Variants in CACNA1C observed in about 807,000 individuals in gnomAD.
CACNA1C encodes the protein voltage-dependent L-type calcium channel subunit alpha-1C.
Under a neutral mutation model 229.0 loss-of-function variants are expected in CACNA1C, and 30 were observed. That is an observed-to-expected ratio of 0.13 (90% confidence interval 0.10 to 0.18). The LOEUF is 0.18. Ranked by LOEUF, CACNA1C falls within the 10% of genes least tolerant of loss-of-function variation. The probability of loss-of-function intolerance (pLI) is 1.00; values close to 1 mark genes in which losing one functional copy is unlikely to be tolerated. For missense variants in CACNA1C, 1,658 were observed against 2,845.0 expected (o/e 0.58, Z 9.49); for synonymous variants, 1,114 against 1,132.5 (o/e 0.98, Z 0.33).
rs371123343 is a variant in CACNA1C, at chr12:2,269,519, A to G, written c.477+149089A>G. Among the ~76,000 whole-genome samples, 8 of 152,308 alleles carry G rather than the reference A, an allele frequency of 5.3e-5. No homozygotes were observed. The South Asian group carries it at 1.5e-3, about 28-fold the overall frequency. On this transcript the variant is annotated intron_variant, in intron 3 of 46. Transcript: ENST00000399655. ...GTACAGTCTTTGTGGAGAATTTGAAAAACGAGAATGGTGATTATCTACTTA... is the reference window on the plus strand; with the variant it reads ...GTACAGTCTTTGTGGAGAATTTGAAGAACGAGAATGGTGATTATCTACTTA...
chr12:2,629,460 CAT>C (rs1384120333), intron 29 of CACNA1C, among the ~76,000 whole-genome samples: 1 of 152,216 alleles, frequency 6.6e-6, no homozygotes, highest in African/African-American at 2.4e-5. Flanking sequence ...GATCAGGACA[CAT>C]GTGCCTTGTG....
At chr12:2,496,224 A>G (rs1410240797) in intron 7 of CACNA1C, among the ~76,000 whole-genome samples, 2 of 152,282 alleles carry the variant, frequency 1.3e-5, no homozygotes, top group African/African-American at 4.8e-5. Context: ...TAACCTGTTG[A>G]ACCTCATGGT....
intron 5 of CACNA1C, among the ~76,000 whole-genome samples, chr12:2,478,261 G>T (rs1252047596): frequency 6.6e-6 from 1 of 152,082 alleles, no homozygotes; most frequent in African/African-American, 2.4e-5. Flanking sequence ...TATCACTGAG[G>T]ATAACCCCCA....
rs61627008 is a variant in CACNA1C at position 2,371,724 on chromosome 12, C to CTTTTTTTTTTTTTTTTT, written c.478-77246_478-77230dup. ...CAAGCACATACTAAATGACATATGGCTTTTTTTTTTTTTTTTTTTTTTAAT... is the reference window on the plus strand; with the variant it reads ...CAAGCACATACTAAATGACATATGGCTTTTTTTTTTTTTTTTTTTTTTTTTTTTTTTTTTTTTTTAAT... On this transcript the variant is annotated intron_variant, in intron 3 of 46. Transcript: ENST00000399655. Among the ~76,000 whole-genome samples, 2 of 129,016 alleles carry CTTTTTTTTTTTTTTTTT rather than the reference C, an allele frequency of 1.6e-5. 1 individual carries two copies. 84.6% of individuals were successfully genotyped at this position (129,016 alleles called of 152,430 possible). A position where few individuals can be genotyped will look rare whatever the true frequency, so the allele number is the denominator to read the frequency against.
Position 2,486,273 on chromosome 12 carries a change from C to CA in CACNA1C, c.916+12dup. On this transcript the variant is annotated intron_variant, in intron 6 of 46. Coordinates refer to ENST00000399655, the MANE Select transcript of CACNA1C (RefSeq NM_000719.7). The surrounding 1 kb of genome is among the most constrained non-coding windows in gnomAD (Gnocchi z 4.9). ...AGGAGGGCATAGCAGGTAAGAGGGG[C>CA]AGGCGGCTGCGCTCCCAAGGCCCTG... The CA allele has an allele frequency of 6.2e-7, 1 of 1,609,780 alleles. No individual in the cohort carries two copies. Among genetic ancestry groups the CA allele is most frequent in the Non-Finnish European group, 8.5e-7 (1 of 1,177,280 alleles).
intron 5 of CACNA1C, among the ~76,000 whole-genome samples, chr12:2,472,048 TCTCA>T (rs1251697994): frequency 6.6e-6 from 1 of 152,242 alleles, no homozygotes; most frequent in Non-Finnish European, 1.5e-5. Flanking sequence ...AAATTTTCTC[TCTCA>T]GTTTTCAGCA....
intron 9 of CACNA1C, among the ~76,000 whole-genome samples, chr12:2,519,585 C>A (rs555584499): frequency 1.3e-5 from 2 of 152,176 alleles, no homozygotes; most frequent in Non-Finnish European, 2.9e-5. Context: ...TGGACAGTGG[C>A]GATGACAGGG....
rs2153634896 is a variant in CACNA1C, at chr12:2,647,662, G to GTCT, written c.3913-812_3913-810dup. On this transcript the variant is annotated intron_variant, in intron 30 of 46. Coordinates refer to ENST00000399655, the MANE Select transcript of CACNA1C (RefSeq NM_000719.7). The surrounding 1 kb of genome is among the most constrained non-coding windows in gnomAD (Gnocchi z 4.2). ...CCTCCTCAGTGTTGACTTGAAGTCG[G>GTCT]TCTCCCCTAAACCTGAGAGGCCACT... Among the ~76,000 whole-genome samples the GTCT allele has an allele frequency of 6.6e-6, 1 of 152,272 alleles. No individual in the cohort carries two copies. The highest frequency in any genetic ancestry group is 2.1e-4 in the South Asian group (1 of 4,822).
intron 1 of CACNA1C, among the ~76,000 whole-genome samples, chr12:2,009,097 A>G (rs1382582399): frequency 6.6e-6 from 1 of 152,188 alleles, no homozygotes; most frequent in Non-Finnish European, 1.5e-5. Flanking sequence ...CTGTGTTTCC[A>G]TAAGCCTCAT....
intron 3 of CACNA1C, among the ~76,000 whole-genome samples, chr12:2,357,621 G>T (rs1351219635): frequency 1.3e-5 from 2 of 150,398 alleles, no homozygotes; most frequent in Non-Finnish European, 2.9e-5. Flanking sequence ...GTGGAGAAGG[G>T]CTTTAGTCTG....
At chr12:2,077,005 C>T (rs982307026) in intron 1 of CACNA1C, among the ~76,000 whole-genome samples, 1 of 152,370 alleles carries the variant, frequency 6.6e-6, no homozygotes, top group South Asian at 2.1e-4. Flanking sequence ...GGCTCACTAG[C>T]TGTGGCTTCA....
At chr12:2,002,551 G>C (rs1434945529) in intron 1 of CACNA1C, among the ~76,000 whole-genome samples, 1 of 152,192 alleles carries the variant, frequency 6.6e-6, no homozygotes, top group Non-Finnish European at 1.5e-5. Flanking sequence ...ATAAACATCT[G>C]TAACTATCTT....
rs566127072 is a variant in CACNA1C, at chr12:2,605,237, G to C, written c.3048+69G>C. 1 of 1,105,026 alleles carries C rather than the reference G, an allele frequency of 9.0e-7. No individual in the cohort carries two copies. Among genetic ancestry groups the C allele is most frequent in the Non-Finnish European group, 1.4e-6 (1 of 724,326 alleles). The allele number at this position is 1,105,026 out of a possible 1,614,324, so 68.5% of individuals were successfully genotyped here. On this transcript the variant is annotated intron_variant, in intron 23 of 46. Coordinates refer to ENST00000399655, the MANE Select transcript of CACNA1C (RefSeq NM_000719.7). This position sits in a 1 kb window ranked among gnomAD's most constrained non-coding sequence, Gnocchi z 6.2. ...GGGAGTGGGAGCTCCACAGAGGTGA[G>C]GGGTGGGTTGGAAGGAGATGATGGT...
chr12:2,397,235 A>C (rs1041493252), intron 3 of CACNA1C, among the ~76,000 whole-genome samples: 1 of 152,344 alleles, frequency 6.6e-6, no homozygotes, highest in Non-Finnish European at 1.5e-5. Flanking sequence ...GTTATCCATC[A>C]AGAAGAGTAA....
chr12:2,359,275 A>T (rs2097487105), intron 3 of CACNA1C, among the ~76,000 whole-genome samples: 1 of 152,082 alleles, frequency 6.6e-6, no homozygotes, highest in South Asian at 2.1e-4. Context: ...TACCACGTGA[A>T]TGGAGGGAAA....
intron 1 of CACNA1C, among the ~76,000 whole-genome samples, chr12:1,979,210 C>T (rs112009517): frequency 0.027 from 4,145 of 152,308 alleles, 93 homozygotes; most frequent in Middle Eastern, 0.054. Context: ...GATGGGGTTT[C>T]GCCATGTTGG....
intron 5 of CACNA1C, among the ~76,000 whole-genome samples, chr12:2,471,950 AT>A (rs1475372081): frequency 3.9e-5 from 6 of 152,204 alleles, no homozygotes; most frequent in Non-Finnish European, 8.8e-5. Flanking sequence ...GAGTGCTGGG[AT>A]TACAGGCGTG....
intron 7 of CACNA1C, among the ~76,000 whole-genome samples, chr12:2,495,359 A>G (rs1568026496): frequency 6.6e-6 from 1 of 152,202 alleles, no homozygotes; most frequent in Non-Finnish European, 1.5e-5. Context: ...ATTGTGTGGG[A>G]CTGTGCTTTG....
chr12:2,226,121 A>ACGCG (rs757290582), intron 3 of CACNA1C, among the ~76,000 whole-genome samples: 1 of 91,664 alleles, frequency 1.1e-5, no homozygotes, highest in Admixed American at 1.4e-4. Context: ...GGATATGGGG[A>ACGCG]CGCGCACACA....
Sources: gnomAD v4.1 joint callset for allele counts (sites outside exome capture counted in the v4.1 genomes callset) on GRCh38, gnomAD v4.1.1 for gene constraint, Gnocchi (gnomAD v3.1) non-coding constraint, MANE v1.5 for transcripts, NCBI Gene and HGNC (gene_info 2026-07-23, HGNC 2026-07-21) for gene names.